Variants in TRIO observed in about 807,000 individuals in gnomAD.
TRIO encodes the protein triple functional domain protein.
A neutral mutation model predicts 351.9 loss-of-function variants in TRIO; 58 were observed. That is an observed-to-expected ratio of 0.16 (90% CI 0.13 to 0.21). The LOEUF (loss-of-function observed/expected upper bound fraction) is 0.21, where lower values mean the gene tolerates loss of function less well. Ranked by LOEUF, TRIO falls within the 10% of genes least tolerant of loss-of-function variation. The pLI is 1.00. For synonymous variants in TRIO, 1,758 were observed against 1,595.7 expected (o/e 1.10, Z -2.42); for missense variants, 3,201 against 4,027.8 (o/e 0.79, Z 5.56).
At chr5:14,318,004 G>A (rs1412580064) in intron 9 of TRIO, among the ~76,000 whole-genome samples, 1 of 152,162 alleles carries the variant, frequency 6.6e-6, no homozygotes, top group African/African-American at 2.4e-5. Context: ...GCGCATGCCT[G>A]TAATCCCAGC....
intron 1 of TRIO, among the ~76,000 whole-genome samples, chr5:14,222,422 G>T (rs191262038): frequency 1.4e-4 from 21 of 152,314 alleles, no homozygotes; most frequent in African/African-American, 5.1e-4. Flanking sequence ...CAGTAGGTTA[G>T]ATGATGTCTT....
intron 1 of TRIO, among the ~76,000 whole-genome samples, chr5:14,156,666 A>G (rs906929771): frequency 4.6e-5 from 7 of 152,206 alleles, no homozygotes; most frequent in African/African-American, 1.7e-4. Flanking sequence ...ATCCTAGAAT[A>G]TGCAGAAAGT....
At chr5:14,352,153 C>A (rs1216846947) in intron 11 of TRIO, among the ~76,000 whole-genome samples, 1 of 151,882 alleles carries the variant, frequency 6.6e-6, no homozygotes, top group African/African-American at 2.4e-5. Context: ...GGGCCCTGTA[C>A]ACACCTGCAG....
chr5:14,264,407 G>T (rs1380877170), intron 1 of TRIO, among the ~76,000 whole-genome samples: 1 of 152,058 alleles, frequency 6.6e-6, no homozygotes, highest in Non-Finnish European at 1.5e-5. Flanking sequence ...GGTAAAAATT[G>T]TAATGCTGTA....
intron 45 of TRIO, 103 bp downstream of exon 45, chr5:14,481,721 G>T: frequency 2.7e-6 from 3 of 1,098,750 alleles, no homozygotes; most frequent in Non-Finnish European, 2.6e-6. Flanking sequence ...CTTTTCACTT[G>T]GTTTTCTGGC....
chr5:14,337,579 G>A (rs1741538717), intron 11 of TRIO, among the ~76,000 whole-genome samples: 2 of 152,152 alleles, frequency 1.3e-5, no homozygotes, highest in Non-Finnish European at 2.9e-5. Flanking sequence ...GTGGTCATAG[G>A]ATGGGAAAAA....
intron 1 of TRIO, among the ~76,000 whole-genome samples, chr5:14,254,188 C>A (rs924411113): frequency 2.6e-5 from 4 of 151,748 alleles, no homozygotes; most frequent in Non-Finnish European, 4.4e-5. Context: ...AGTTCTCCCC[C>A]CCTCCCCCCG....
chr5:14,232,137 C>G (rs1010533726), intron 1 of TRIO, among the ~76,000 whole-genome samples: 1 of 152,096 alleles, frequency 6.6e-6, no homozygotes, highest in African/African-American at 2.4e-5. Context: ...GATGAGAGAC[C>G]TGTGGTTGCC....
At chr5:14,383,590 T>C (rs1746296783) in intron 21 of TRIO, among the ~76,000 whole-genome samples, 2 of 152,208 alleles carry the variant, frequency 1.3e-5, no homozygotes, top group Admixed American at 1.3e-4. Flanking sequence ...AAATTGTGAG[T>C]GATATATGAC....
chr5:14,446,333 C>T (rs751796181), intron 34 of TRIO, among the ~76,000 whole-genome samples: 4 of 152,112 alleles, frequency 2.6e-5, no homozygotes, highest in Non-Finnish European at 4.4e-5. Context: ...TGGAGAACTC[C>T]AAAAGCAGTT....
intron 1 of TRIO, among the ~76,000 whole-genome samples, chr5:14,244,063 G>T (rs1794293761): frequency 6.6e-6 from 1 of 152,198 alleles, no homozygotes; most frequent in African/African-American, 2.4e-5. Context: ...TTACACTTCG[G>T]GTGCGTTGCT....
intron 28 of TRIO, among the ~76,000 whole-genome samples, chr5:14,396,625 A>G (rs1265230893): frequency 6.6e-6 from 1 of 150,838 alleles, no homozygotes; most frequent in African/African-American, 2.4e-5. Flanking sequence ...GCATGCCACC[A>G]TGCCCAGCTA....
intron 37 of TRIO, among the ~76,000 whole-genome samples, chr5:14,467,984 C>G (rs1168957274): frequency 6.6e-6 from 1 of 152,174 alleles, no homozygotes; most frequent in East Asian, 1.9e-4. Flanking sequence ...CATTTATACA[C>G]GTCAGTTAAA....
chr5:14,502,706 A>C (rs774608527), intron 54 of TRIO, 49 bp downstream of exon 54: 2 of 1,564,386 alleles, frequency 1.3e-6, no homozygotes, highest in Admixed American at 3.3e-5. Context: ...AGCGTGGGGA[A>C]GACATACCAG....
chr5:14,498,478 C>G (rs755331692), intron 52 of TRIO, 41 bp from the exon 53 acceptor site: 1 of 1,600,198 alleles, frequency 6.2e-7, no homozygotes, highest in Non-Finnish European at 8.5e-7. Flanking sequence ...GCCACGTGCT[C>G]AGCTTTTCTG....
At chr5:14,393,442 A>G (rs1747288427) in intron 27 of TRIO, among the ~76,000 whole-genome samples, 1 of 152,222 alleles carries the variant, frequency 6.6e-6, no homozygotes, top group African/African-American at 2.4e-5. Flanking sequence ...CATGCCTGAG[A>G]GATTTCACAA....
chr5:14,207,670 G>C lies in TRIO; in HGVS notation c.158-63155G>C, dbSNP rs562299256. On this transcript the variant is annotated intron_variant, in intron 1 of 56. Transcript: ENST00000344204. ...TACAGTGAGCTGTGATCGTGCCACT[G>C]TACTCAACTCCACCCTGGGCAATAG... 2.6e-5 allele frequency among the ~76,000 whole-genome samples: 4 copies of C among 152,088 alleles called. No individual in the cohort carries two copies. In the East Asian group the frequency reaches 5.8e-4, roughly 22 times the overall value.
At chr5:14,436,451 G>A (rs925770895) in intron 34 of TRIO, among the ~76,000 whole-genome samples, 2 of 145,882 alleles carry the variant, frequency 1.4e-5, no homozygotes, top group African/African-American at 5.6e-5. Context: ...TTCCACCCCT[G>A]GTCCCTCCCA....
At chr5:14,371,793 A>G (rs547573774) in intron 18 of TRIO, among the ~76,000 whole-genome samples, 1 of 151,930 alleles carries the variant, frequency 6.6e-6, no homozygotes, top group African/African-American at 2.4e-5. Flanking sequence ...GGCACTTGCC[A>G]CCACACCTGG....
Sources: gnomAD v4.1 joint callset for allele counts (sites outside exome capture counted in the v4.1 genomes callset) on GRCh38, gnomAD v4.1.1 for gene constraint, MANE v1.5 for transcripts, NCBI Gene and HGNC (gene_info 2026-07-23, HGNC 2026-07-21) for gene names.